RANBP17: variants seen among roughly 807,000 people sequenced by gnomAD.
RANBP17 encodes the protein RAN binding protein 17.
Under a neutral mutation model 141.2 loss-of-function variants are expected in RANBP17, and 158 were observed. The ratio of observed to expected loss-of-function variants is 1.12; its 90% CI spans 0.98 to 1.28. The LOEUF is 1.28. RANBP17 is among the 50% of genes most tolerant of loss of function. The pLI is 0.00. For synonymous variants in RANBP17, 430 were observed against 450.0 expected (o/e 0.96, Z 0.56); for missense variants, 1,438 against 1,290.7 (o/e 1.11, Z -1.75).
chr5:171,257,685 GATAA>G (rs771527223), intron 24 of RANBP17, among the ~76,000 whole-genome samples: 5 of 152,224 alleles, frequency 3.3e-5, no homozygotes, highest in African/African-American at 9.6e-5. Flanking sequence ...ACTGAGATTT[GATAA>G]ATAAATGCAC....
rs1416841660 is a variant in RANBP17 at position 170,938,479 on chromosome 5, T to C, written c.1468+13929T>C. ...GCACTAACAAAAATAAGTTATCTAT[T>C]TGATTTAGAACCCCTATCTCCTAAA... On this transcript the variant is annotated intron_variant, in intron 12 of 27. Transcript: ENST00000523189. 4.6e-5 allele frequency among the ~76,000 whole-genome samples: 7 copies of C among 152,286 alleles called. No homozygotes were observed. In the East Asian group the frequency reaches 7.7e-4, roughly 17 times the overall value.
chr5:171,232,268 T>G (rs1764250129), intron 22 of RANBP17, among the ~76,000 whole-genome samples: 1 of 152,178 alleles, frequency 6.6e-6, no homozygotes, highest in Admixed American at 6.5e-5. Context: ...AATTTGTAAT[T>G]AAATTATTGG....
chr5:171,081,715 C>A (rs1785267255), intron 14 of RANBP17, among the ~76,000 whole-genome samples: 1 of 151,974 alleles, frequency 6.6e-6, no homozygotes, highest in South Asian at 2.1e-4. Context: ...CACATAAAAC[C>A]TCCTGATTTG....
At chr5:170,931,043 C>T (rs919509203) in intron 12 of RANBP17, among the ~76,000 whole-genome samples, 1 of 152,148 alleles carries the variant, frequency 6.6e-6, no homozygotes, top group African/African-American at 2.4e-5. Flanking sequence ...TAAAAGCGTT[C>T]CTATTTCTCC....
intron 14 of RANBP17, among the ~76,000 whole-genome samples, chr5:171,066,082 A>G (rs1784294566): frequency 6.6e-6 from 1 of 152,040 alleles, no homozygotes; most frequent in Admixed American, 6.5e-5. Flanking sequence ...GTCTGGTCTC[A>G]GACTCCTGAC....
intron 12 of RANBP17, among the ~76,000 whole-genome samples, chr5:170,937,798 T>C (rs1249708360): frequency 6.6e-6 from 1 of 152,194 alleles, no homozygotes; most frequent in Non-Finnish European, 1.5e-5. Context: ...GATTATGTTA[T>C]TTTATAATTT....
At position 171,241,052 on chromosome 5, in the gene RANBP17, C is replaced by T. The variant is rs757506593; in HGVS notation, c.2547C>T (p.Gly849=). 5 of 1,613,706 alleles carry T rather than the reference C, an allele frequency of 3.1e-6. No homozygotes were observed. The highest frequency in any genetic ancestry group is 2.7e-5 in the African/African-American group (2 of 74,872). ...SALCGNYVSF[G]VFKLYGDNHF... ...TGTGTGGAAATTATGTCAGCTTTGGCGTCTTCAAGTTGTATGGGGACAACC... is the reference window on the plus strand; with the variant it reads ...TGTGTGGAAATTATGTCAGCTTTGGTGTCTTCAAGTTGTATGGGGACAACC... The change falls in exon 23 of 28, where the codon GGC becomes GGT. Residue 849 remains glycine, a synonymous_variant. Transcript: ENST00000523189.
rs1406688786 is a variant in RANBP17, at chr5:171,299,315, A to T, written c.*457A>T. On this transcript the variant is annotated 3_prime_UTR_variant, in exon 28 of 28. Transcript: ENST00000523189. ...AGTTTGTTATGTGTCTGGAAGAAGCAGCGTTAGGGACTTTGGGCTGTGAGC... is the reference window on the plus strand; with the variant it reads ...AGTTTGTTATGTGTCTGGAAGAAGCTGCGTTAGGGACTTTGGGCTGTGAGC... 1 of 234,832 alleles carries T rather than the reference A, an allele frequency of 4.3e-6. No homozygotes were observed. The highest frequency in any genetic ancestry group is 8.4e-6 in the Non-Finnish European group (1 of 118,872). The allele number at this position is 234,832 out of a possible 1,614,324, so 14.5% of individuals were successfully genotyped here. A position where few individuals can be genotyped will look rare whatever the true frequency, so the allele number is the denominator to read the frequency against.
At chr5:171,253,593 T>C (rs1044861019) in intron 24 of RANBP17, among the ~76,000 whole-genome samples, 4 of 152,224 alleles carry the variant, frequency 2.6e-5, no homozygotes, top group African/African-American at 9.7e-5. Context: ...CAAAAGTGGC[T>C]TTTTGTTTCC....
At position 170,933,986 on chromosome 5, in the gene RANBP17, G is replaced by A. The variant is rs374984456; in HGVS notation, c.1468+9436G>A. On this transcript the variant is annotated intron_variant, in intron 12 of 27. Coordinates refer to ENST00000523189, the MANE Select transcript of RANBP17 (RefSeq NM_022897.5). ...GATATCCTTGTTAACTTTCTGTCTC[G>A]TTGATCTGTGTAATGTTGACAGTGG... Among the ~76,000 whole-genome samples the A allele has an allele frequency of 1.3e-3, 205 of 152,190 alleles. 1 individual carries two copies. Among genetic ancestry groups the A allele is most frequent in the South Asian group, 0.013 (62 of 4,818 alleles).
chr5:171,131,984 A>G (rs1369139918), intron 14 of RANBP17, among the ~76,000 whole-genome samples: 2 of 152,218 alleles, frequency 1.3e-5, no homozygotes, highest in South Asian at 2.1e-4. Context: ...ATTTATCTCT[A>G]TTAATCTGAG....
chr5:171,289,176 A>T (rs1046552642), intron 25 of RANBP17, among the ~76,000 whole-genome samples: 1 of 152,168 alleles, frequency 6.6e-6, no homozygotes, highest in Non-Finnish European at 1.5e-5. Context: ...GGGATACAGT[A>T]CCACAGGAGT....
At chr5:170,870,905 T>A (rs1054621489) in intron 1 of RANBP17, among the ~76,000 whole-genome samples, 1 of 152,216 alleles carries the variant, frequency 6.6e-6, no homozygotes, top group Non-Finnish European at 1.5e-5. Flanking sequence ...TTTTTAATAA[T>A]CACCATTCTG....
intron 20 of RANBP17, among the ~76,000 whole-genome samples, chr5:171,210,177 A>G (rs572817911): frequency 3.9e-5 from 6 of 152,184 alleles, no homozygotes; most frequent in African/African-American, 1.4e-4. Flanking sequence ...CTTCCTACTC[A>G]TATGTACATA....
At chr5:171,065,209 A>G (rs1784230828) in intron 14 of RANBP17, among the ~76,000 whole-genome samples, 1 of 151,922 alleles carries the variant, frequency 6.6e-6, no homozygotes, top group African/African-American at 2.4e-5. Flanking sequence ...CCTTTTTTCA[A>G]ATGGCTATCC....
chr5:171,044,633 A>T (rs1782455019), intron 14 of RANBP17, among the ~76,000 whole-genome samples: 1 of 152,096 alleles, frequency 6.6e-6, no homozygotes, highest in Admixed American at 6.5e-5. Flanking sequence ...ATTGAATCAC[A>T]TGATATCTAA....
At chr5:170,953,897 C>T (rs1009836947) in intron 13 of RANBP17, among the ~76,000 whole-genome samples, 195 bp downstream of exon 13, 2 of 152,066 alleles carry the variant, frequency 1.3e-5, no homozygotes, top group African/African-American at 4.8e-5. Flanking sequence ...AAGTGATAGA[C>T]TCAAAATATT....
chr5:171,106,007 G>C (rs1754804447), intron 14 of RANBP17, among the ~76,000 whole-genome samples: 1 of 152,190 alleles, frequency 6.6e-6, no homozygotes, highest in Admixed American at 6.5e-5. Flanking sequence ...AGTAAGCTGG[G>C]TAAGCAAATT....
At chr5:170,890,534 A>G (rs940061480) in intron 3 of RANBP17, among the ~76,000 whole-genome samples, 1 of 152,176 alleles carries the variant, frequency 6.6e-6, no homozygotes, top group Non-Finnish European at 1.5e-5. Context: ...TGCTTGTTGC[A>G]TACATTCTTG....
Sources: allele counts gnomAD v4.1 joint callset (sites outside exome capture counted in the v4.1 genomes callset), GRCh38; gene constraint gnomAD v4.1.1; transcripts MANE v1.5; gene names NCBI Gene and HGNC (gene_info 2026-07-23, HGNC 2026-07-21).